Variants in OR51C1 observed in about 807,000 individuals in gnomAD.
OR51C1 encodes olfactory receptor OR51C1.
chr11:4,691,501 G>A, the OR51C1 span: 1 of 456,320 alleles, frequency 2.2e-6, no homozygotes. Flanking sequence ...GTGGCGGACA[G>A]CATGGAGAGG....
the OR51C1 span, chr11:4,691,549 T>A: frequency 2.2e-6 from 1 of 456,964 alleles, no homozygotes; most frequent in Non-Finnish European, 4.4e-6. Flanking sequence ...GGCTGAGTGA[T>A]GGTAGCGAAG....
chr11:4,695,581 G>T, the OR51C1 span, among the ~76,000 whole-genome samples: 1 of 152,100 alleles, frequency 6.6e-6, no homozygotes, highest in African/African-American at 2.4e-5. Flanking sequence ...TTCACCTTCA[G>T]TAACAATCTG....
At chr11:4,691,640 C>A in the OR51C1 span, 1 of 432,714 alleles carries the variant, frequency 2.3e-6, no homozygotes. Flanking sequence ...AGGCTTCCAG[C>A]CCAGGAACAC....
chr11:4,693,796 A>C, the OR51C1 span, among the ~76,000 whole-genome samples: 1 of 152,196 alleles, frequency 6.6e-6, no homozygotes, highest in African/African-American at 2.4e-5. Context: ...TTGCTTTACT[A>C]TCTCAGGGAC....
chr11:4,693,748 T>C, the OR51C1 span, among the ~76,000 whole-genome samples: 4 of 152,008 alleles, frequency 2.6e-5, no homozygotes, highest in Non-Finnish European at 5.9e-5. Flanking sequence ...AACAAAAAAC[T>C]GTTGAGCAAC....
At chr11:4,692,381 G>A in the OR51C1 span, among the ~76,000 whole-genome samples, 1 of 152,216 alleles carries the variant, frequency 6.6e-6, no homozygotes, top group Admixed American at 6.5e-5. Flanking sequence ...ACAGGAGGCT[G>A]CCCCCACCTG....
At chr11:4,691,686 T>A in the OR51C1 span, 1 of 372,774 alleles carries the variant, frequency 2.7e-6, no homozygotes, top group Non-Finnish European at 5.3e-6. Flanking sequence ...GGAGGTGATA[T>A]TCTGCAAAGT....
At chr11:4,694,509 CATAT>C in the OR51C1 span, among the ~76,000 whole-genome samples, 116 of 124,578 alleles carry the variant, frequency 9.3e-4, 1 homozygote, top group Middle Eastern at 4.3e-3. Context: ...TATACACACA[CATAT>C]ATATATATAC....
At chr11:4,690,790 C>T in the OR51C1 span, 1 of 418,722 alleles carries the variant, frequency 2.4e-6, no homozygotes, top group Non-Finnish European at 4.7e-6. Context: ...ATTTTTATCA[C>T]AGCTCTACGT....
the OR51C1 span, among the ~76,000 whole-genome samples, chr11:4,696,726 A>G: frequency 1.3e-5 from 2 of 152,042 alleles, no homozygotes; most frequent in Non-Finnish European, 2.9e-5. Context: ...AATAAGCTAT[A>G]TTCTCTCAAC....
chr11:4,696,356 C>T, the OR51C1 span, among the ~76,000 whole-genome samples: 1 of 151,714 alleles, frequency 6.6e-6, no homozygotes, highest in African/African-American at 2.4e-5. Flanking sequence ...CTACCCACCA[C>T]ACACACACAC....
At chr11:4,691,809 GTATT>G in the OR51C1 span, 7,292 of 303,746 alleles carry the variant, frequency 0.024, 141 homozygotes, top group South Asian at 0.047. Flanking sequence ...AAACTGATGA[GTATT>G]TATATAATAT....
chr11:4,690,625 G>A, the OR51C1 span: 1 of 301,732 alleles, frequency 3.3e-6, no homozygotes, highest in East Asian at 9.1e-5. Context: ...ATACATTCCA[G>A]CTTTAACTTT....
chr11:4,692,252 G>GGAA, the OR51C1 span: 2 of 374,260 alleles, frequency 5.3e-6, no homozygotes, highest in Admixed American at 6.5e-5. Context: ...GTAACACATA[G>GGAA]GAAGTGACAA....
the OR51C1 span, among the ~76,000 whole-genome samples, chr11:4,695,366 C>A: frequency 6.6e-6 from 1 of 152,162 alleles, no homozygotes; most frequent in African/African-American, 2.4e-5. Flanking sequence ...TCTAACTCAA[C>A]AATAAAAGCT....
chr11:4,690,907 A>C, the OR51C1 span: 2 of 456,388 alleles, frequency 4.4e-6, no homozygotes, highest in South Asian at 3.1e-5. Flanking sequence ...TGTTTCCCAA[A>C]TCTGTGAACA....
At chr11:4,696,310 G>A in the OR51C1 span, among the ~76,000 whole-genome samples, 3 of 151,942 alleles carry the variant, frequency 2.0e-5, no homozygotes, top group Admixed American at 6.6e-5. Context: ...ATCAGCAAAC[G>A]ACATCGAACT....
the OR51C1 span, among the ~76,000 whole-genome samples, chr11:4,693,972 T>C: frequency 1.3e-5 from 2 of 152,240 alleles, no homozygotes; most frequent in Admixed American, 1.3e-4. Context: ...AAAATGGTTA[T>C]GAAAGTACAG....
At chr11:4,697,765 C>G in the OR51C1 span, 3 of 152,590 alleles carry the variant, frequency 2.0e-5, no homozygotes, top group Admixed American at 2.0e-4. Context: ...TTATTCCAGC[C>G]TGACTGGAGA....
Sources: gnomAD v4.1 joint callset for allele counts (sites outside exome capture counted in the v4.1 genomes callset) on GRCh38, gnomAD v4.1.1 for gene constraint, MANE v1.5 for transcripts, NCBI Gene and HGNC (gene_info 2026-07-23, HGNC 2026-07-21) for gene names.